The following DGKB variants were observed in gnomAD, a reference collection of about 807,000 sequenced individuals.
The protein encoded by DGKB is 90 kDa diacylglycerol kinase.
Under a neutral mutation model 114.3 loss-of-function variants are expected in DGKB, and 67 were observed. That is an observed-to-expected ratio of 0.59 (90% confidence interval 0.48 to 0.72). DGKB has a LOEUF of 0.72. Ranked by LOEUF, DGKB falls within the 30% of genes least tolerant of loss-of-function variation. DGKB has a pLI of 0.00. For missense variants in DGKB, 907 were observed against 975.2 expected (o/e 0.93, Z 0.93); for synonymous variants, 398 against 323.1 (o/e 1.23, Z -2.49).
chr7:14,835,930 T>C (rs1041576356), intron 2 of DGKB, among the ~76,000 whole-genome samples: 5 of 152,196 alleles, frequency 3.3e-5, no homozygotes, highest in Non-Finnish European at 7.3e-5. Flanking sequence ...CTGCGAGGAT[T>C]AAATGAGTTA....
intron 21 of DGKB, among the ~76,000 whole-genome samples, chr7:14,461,929 T>G (rs1279992587): frequency 6.6e-6 from 1 of 152,170 alleles, no homozygotes; most frequent in Non-Finnish European, 1.5e-5. Context: ...ACCTCATCCC[T>G]GGGATGCAAG....
chr7:14,550,124 A>G (rs1356587814), intron 20 of DGKB, among the ~76,000 whole-genome samples: 2 of 152,172 alleles, frequency 1.3e-5, no homozygotes, highest in African/African-American at 4.8e-5. Flanking sequence ...AGTATTACAG[A>G]TAAAAACAAA....
At chr7:14,777,096 G>A (rs148058634) in intron 2 of DGKB, among the ~76,000 whole-genome samples, 75 of 152,208 alleles carry the variant, frequency 4.9e-4, no homozygotes, top group African/African-American at 1.5e-3. Flanking sequence ...AAACTTGCAC[G>A]GGCCCTGTAG....
intron 21 of DGKB, among the ~76,000 whole-genome samples, chr7:14,417,746 G>C (rs570788462): frequency 5.3e-5 from 8 of 151,338 alleles, no homozygotes; most frequent in Non-Finnish European, 7.4e-5. Flanking sequence ...AACTATGACT[G>C]CTAGTAAATA....
At chr7:14,323,715 T>C (rs1000645970) in intron 23 of DGKB, among the ~76,000 whole-genome samples, 1 of 152,188 alleles carries the variant, frequency 6.6e-6, no homozygotes, top group African/African-American at 2.4e-5. Flanking sequence ...GAAAGCCTAC[T>C]TGGGCTTGAG....
At chr7:14,296,404 T>C (rs191620314) in intron 23 of DGKB, among the ~76,000 whole-genome samples, 31 of 152,292 alleles carry the variant, frequency 2.0e-4, no homozygotes, top group East Asian at 1.7e-3. Context: ...CAATCTATCA[T>C]TGATGGGCAT....
intron 5 of DGKB, among the ~76,000 whole-genome samples, chr7:14,719,544 A>G (rs903333964): frequency 2.6e-5 from 4 of 152,052 alleles, no homozygotes; most frequent in Admixed American, 2.0e-4. Context: ...GGGAGAAATA[A>G]CTAATGGGTT....
At chr7:14,707,516 C>A (rs200749179) in intron 6 of DGKB, among the ~76,000 whole-genome samples, 12,274 of 67,562 alleles carry the variant, frequency 0.18, 1,005 homozygotes, top group East Asian at 0.45. Flanking sequence ...CACAACCAAA[C>A]AAGAGAATTT....
intron 5 of DGKB, among the ~76,000 whole-genome samples, chr7:14,720,556 G>A (rs1430755265): frequency 6.7e-6 from 1 of 150,180 alleles, no homozygotes; most frequent in South Asian, 2.1e-4. Context: ...TGTTGGTCAG[G>A]CTGGTCTCGA....
chr7:14,911,639 G>C (rs1029386704), intron 1 of DGKB, among the ~76,000 whole-genome samples: 49 of 152,076 alleles, frequency 3.2e-4, no homozygotes, highest in Non-Finnish European at 4.7e-4. Flanking sequence ...TTAAAAAACA[G>C]ACTGGCTTTT....
At chr7:14,152,588 G>T (rs1406375340) in intron 25 of DGKB, among the ~76,000 whole-genome samples, 1 of 152,008 alleles carries the variant, frequency 6.6e-6, no homozygotes, top group Non-Finnish European at 1.5e-5. Context: ...CACTGCCCAT[G>T]ACTATTTCTA....
At chr7:14,194,843 G>A (rs899071057) in intron 23 of DGKB, among the ~76,000 whole-genome samples, 2 of 151,514 alleles carry the variant, frequency 1.3e-5, no homozygotes, top group Admixed American at 6.8e-5. Context: ...TCCTTTAAAC[G>A]AGTCTAAAAT....
At chr7:14,604,291 C>G (rs1170306091) in intron 17 of DGKB, among the ~76,000 whole-genome samples, 2 of 151,556 alleles carry the variant, frequency 1.3e-5, no homozygotes, top group African/African-American at 4.9e-5. Flanking sequence ...AATGAAATGC[C>G]CAGTGAGTTT....
intron 21 of DGKB, among the ~76,000 whole-genome samples, chr7:14,417,654 CAT>C (rs1316941488): frequency 6.6e-6 from 1 of 151,370 alleles, no homozygotes; most frequent in Non-Finnish European, 1.5e-5. Flanking sequence ...TTTGCATGGA[CAT>C]GTGAAAATTG....
rs1791068221 is a variant in DGKB at position 14,528,797 on chromosome 7, T to C, written c.1770+45415A>G. On this transcript the variant is annotated intron_variant, in intron 20 of 25. Transcript: ENST00000402815. ...GTAATTGGTACCTTAAATTAGAATTTCTATGGTTTCTCTATAAAATACAGA... is the reference window on the plus strand; with the variant it reads ...GTAATTGGTACCTTAAATTAGAATTCCTATGGTTTCTCTATAAAATACAGA... Among the ~76,000 whole-genome samples, 3 of 152,184 alleles carry C rather than the reference T, an allele frequency of 2.0e-5. No individual in the cohort carries two copies. The South Asian group carries it at 6.2e-4, about 31-fold the overall frequency.
At chr7:14,901,430 T>G (rs76112639) in intron 1 of DGKB, among the ~76,000 whole-genome samples, 1 of 152,216 alleles carries the variant, frequency 6.6e-6, no homozygotes, top group African/African-American at 2.4e-5. Context: ...CTATGGAATA[T>G]ATGCTAGCCT....
chr7:14,716,007 T>C (rs2128343383), intron 6 of DGKB, among the ~76,000 whole-genome samples: 1 of 152,284 alleles, frequency 6.6e-6, no homozygotes, highest in East Asian at 1.9e-4. Flanking sequence ...AGGCACTGAA[T>C]AGATTTTAAA....
chr7:14,598,009 G>T (rs543760522), intron 17 of DGKB, among the ~76,000 whole-genome samples: 1 of 152,218 alleles, frequency 6.6e-6, no homozygotes, highest in African/African-American at 2.4e-5. Flanking sequence ...ATGATGGCAT[G>T]CTTCACCAGA....
At chr7:14,908,336 A>G (rs544254117), upstream of DGKB, among the ~76,000 whole-genome samples, 147 of 152,310 alleles carry the variant, frequency 9.7e-4, no homozygotes, top group African/African-American at 3.4e-3. Context: ...GTGTCTCTAC[A>G]TTAGACTTAG....
Sources: allele counts gnomAD v4.1 joint callset (sites outside exome capture counted in the v4.1 genomes callset), GRCh38; gene constraint gnomAD v4.1.1; transcripts MANE v1.5; gene names NCBI Gene and HGNC (gene_info 2026-07-23, HGNC 2026-07-21).